Variants in ACTR3B observed in about 807,000 individuals in gnomAD.
ACTR3B encodes the protein actin-related protein 3B.
Under a neutral mutation model 59.0 loss-of-function variants are expected in ACTR3B, and 8 were observed. That is an observed-to-expected ratio of 0.14 (90% CI 0.08 to 0.24). The LOEUF (loss-of-function observed/expected upper bound fraction) is 0.24, where lower values mean the gene tolerates loss of function less well. Among genes scored for constraint, ACTR3B ranks in the 10% least tolerant of loss-of-function variants. The pLI is 1.00. For synonymous variants in ACTR3B, 148 were observed against 197.9 expected (o/e 0.75, Z 2.12); for missense variants, 245 against 552.3 (o/e 0.44, Z 5.58).
intron 4 of ACTR3B, among the ~76,000 whole-genome samples, chr7:152,808,226 A>G (rs1304918389): frequency 5.9e-5 from 9 of 152,052 alleles, no homozygotes; most frequent in Non-Finnish European, 1.2e-4. Context: ...AGGCTGAATA[A>G]TATTCCATTG....
chr7:152,817,838 C>T (rs563220218), intron 6 of ACTR3B, among the ~76,000 whole-genome samples: 111 of 152,058 alleles, frequency 7.3e-4, no homozygotes, highest in Middle Eastern at 3.4e-3. Flanking sequence ...GATGGGGTGA[C>T]GTACTAATAC....
intron 2 of ACTR3B, among the ~76,000 whole-genome samples, chr7:152,791,724 A>G (rs990364152): frequency 1.3e-5 from 2 of 152,228 alleles, no homozygotes; most frequent in East Asian, 1.9e-4. Flanking sequence ...TGCTATTCCT[A>G]TATAATTACA....
intron 2 of ACTR3B, among the ~76,000 whole-genome samples, chr7:152,784,148 A>G (rs1563088452): frequency 6.6e-6 from 1 of 152,126 alleles, no homozygotes; most frequent in Non-Finnish European, 1.5e-5. Flanking sequence ...TATTATTTGG[A>G]AACAGTTTTC....
intron 9 of ACTR3B, among the ~76,000 whole-genome samples, chr7:152,834,311 G>A (rs1486900098): frequency 6.6e-6 from 1 of 152,040 alleles, no homozygotes; most frequent in Non-Finnish European, 1.5e-5. Context: ...CCGCCACCAC[G>A]CCTGGCTGAT....
At chr7:152,766,867 A>G (rs2098112074) in intron 1 of ACTR3B, among the ~76,000 whole-genome samples, 1 of 151,898 alleles carries the variant, frequency 6.6e-6, no homozygotes, top group Admixed American at 6.6e-5. Flanking sequence ...ACTCAGTGCA[A>G]CCTCCACCTC....
intron 9 of ACTR3B, among the ~76,000 whole-genome samples, chr7:152,849,547 A>G (rs1005711724): frequency 1.3e-5 from 2 of 152,260 alleles, no homozygotes; most frequent in African/African-American, 4.8e-5. Flanking sequence ...AGGGGTGTCC[A>G]ACCTTTTGGT....
intron 1 of ACTR3B, among the ~76,000 whole-genome samples, chr7:152,768,557 A>C (rs1199356762): frequency 6.6e-6 from 1 of 151,638 alleles, no homozygotes; most frequent in African/African-American, 2.4e-5. Context: ...GCTCACTGCA[A>C]CCTCCACCTC....
intron 9 of ACTR3B, among the ~76,000 whole-genome samples, 196 bp downstream of exon 9, chr7:152,825,318 T>C (rs527877319): frequency 6.6e-6 from 1 of 152,116 alleles, no homozygotes. Context: ...TATTTTATTT[T>C]ATTTTATTTT....
chr7:152,804,230 A>G (rs568794513), intron 4 of ACTR3B, among the ~76,000 whole-genome samples: 2 of 152,304 alleles, frequency 1.3e-5, no homozygotes, highest in East Asian at 3.9e-4. Context: ...CTCAGAACGC[A>G]CTCAGAGATG....
At chr7:152,830,269 A>C (rs1796922690) in intron 9 of ACTR3B, among the ~76,000 whole-genome samples, 2 of 152,122 alleles carry the variant, frequency 1.3e-5, no homozygotes, top group African/African-American at 2.4e-5. Flanking sequence ...ACCAGAGCCT[A>C]CGGTGGTGGG....
intron 4 of ACTR3B, among the ~76,000 whole-genome samples, chr7:152,804,561 C>T (rs763132344): frequency 3.5e-4 from 54 of 152,134 alleles, no homozygotes; most frequent in Non-Finnish European, 7.1e-4. Flanking sequence ...TGACAGGTGC[C>T]TCCGAGGAGG....
At chr7:152,831,714 AAGG>A (rs1797046888) in intron 9 of ACTR3B, among the ~76,000 whole-genome samples, 1 of 152,108 alleles carries the variant, frequency 6.6e-6, no homozygotes, top group Non-Finnish European at 1.5e-5. Flanking sequence ...CACTAGGGTG[AAGG>A]AGAAGTAGCG....
chr7:152,821,560 G>T (rs1796159129), intron 7 of ACTR3B, among the ~76,000 whole-genome samples: 1 of 152,112 alleles, frequency 6.6e-6, no homozygotes, highest in African/African-American at 2.4e-5. Flanking sequence ...CGCCAGGATT[G>T]CTGAGCAACA....
intron 9 of ACTR3B, among the ~76,000 whole-genome samples, chr7:152,829,800 C>T (rs2689568): frequency 2.0e-4 from 30 of 152,272 alleles, no homozygotes; most frequent in Admixed American, 1.2e-3. Context: ...GATCAGCCAG[C>T]GTTTAGTAAC....
rs567806519 is a variant in ACTR3B at position 152,766,246 on chromosome 7, C to T, written c.44+6320C>T. The stretch of plus-strand genomic sequence containing the variant: ...CGAGTCCTCACCCAGTGCAGCCGTG[C>T]AGGATGCAGTTAATTCCTCCAGCAT... On this transcript the variant is annotated intron_variant, in intron 1 of 11. Transcript: ENST00000256001. 5.3e-5 allele frequency among the ~76,000 whole-genome samples: 8 copies of T among 152,328 alleles called. No individual in the cohort carries two copies. In the South Asian group the frequency reaches 1.5e-3, roughly 28 times the overall value.
At chr7:152,820,834 A>T (rs371329566) in intron 7 of ACTR3B, among the ~76,000 whole-genome samples, 2,190 of 122,426 alleles carry the variant, frequency 0.018, no homozygotes, top group South Asian at 0.055. Flanking sequence ...GAGCTATTGC[A>T]CAAAATTCAC....
chr7:152,854,369 T>TGAG lies in ACTR3B; in HGVS notation c.1162-85_1162-83dup, dbSNP rs1310136360. 94 of 1,193,856 alleles carry TGAG rather than the reference T, an allele frequency of 7.9e-5. No homozygotes were observed. The East Asian group carries it at 2.2e-3, about 28-fold the overall frequency. The allele number at this position is 1,193,856 out of a possible 1,614,324, so 74.0% of individuals were successfully genotyped here. On this transcript the variant is annotated intron_variant, in intron 11 of 11. Coordinates refer to ENST00000256001, the MANE Select transcript of ACTR3B (RefSeq NM_020445.6). The surrounding 1 kb of genome is among the most constrained non-coding windows in gnomAD (Gnocchi z 4.9). ...CTGGGAGGGAGGGTGGAGGCCGGGA[T>TGAG]GAGGAGAGTGTCTTGCCTGCTTGGT...
At chr7:152,820,231 T>G (rs545290062) in intron 6 of ACTR3B, 68 bp from the exon 7 acceptor site, 1 of 1,566,688 alleles carries the variant, frequency 6.4e-7, no homozygotes, top group Admixed American at 1.7e-5. Flanking sequence ...CAGGAAACCT[T>G]GTGAGTCCAG....
chr7:152,817,948 C>T (rs1253192750), intron 6 of ACTR3B, among the ~76,000 whole-genome samples: 5 of 152,176 alleles, frequency 3.3e-5, no homozygotes, highest in Non-Finnish European at 5.9e-5. Context: ...CCTCCCGCCC[C>T]CATACCTTGT....
Sources: gnomAD v4.1 joint callset for allele counts (sites outside exome capture counted in the v4.1 genomes callset) on GRCh38, gnomAD v4.1.1 for gene constraint, Gnocchi (gnomAD v3.1) non-coding constraint, MANE v1.5 for transcripts, NCBI Gene and HGNC (gene_info 2026-07-23, HGNC 2026-07-21) for gene names.